The following ASXL3 variants were observed in gnomAD, a reference collection of about 807,000 sequenced individuals.
ASXL3 encodes putative Polycomb group protein ASXL3.
A neutral mutation model predicts 170.6 loss-of-function variants in ASXL3; 34 were observed. The observed-to-expected ratio is 0.20, with a 90% confidence interval of 0.15 to 0.27. The LOEUF is 0.27. ASXL3 is among the 10% of genes least tolerant of loss of function. The pLI is 1.00. For missense variants in ASXL3, 2,592 were observed against 2,695.3 expected, an observed-to-expected ratio of 0.96 and a Z score of 0.85; for synonymous variants, 1,002 against 989.1, an observed-to-expected ratio of 1.01 and a Z score of -0.24.
rs925023203 is a variant in ASXL3, at chr18:33,607,768, G to C, written c.137+92G>C. 3.2e-6 allele frequency: 3 copies of C among 941,628 alleles called. No homozygotes were observed. The African/African-American group carries it at 5.1e-5, about 16-fold the overall frequency. The allele number at this position is 941,628 out of a possible 1,614,324, so 58.3% of individuals were successfully genotyped here. Reference sequence around the variant, plus strand: ...ATAGGTGTATCTAGATTTTGATATTGTAGTTGATTGTGAATTAACTCCCCA... The same window carrying C: ...ATAGGTGTATCTAGATTTTGATATTCTAGTTGATTGTGAATTAACTCCCCA... On this transcript the variant is annotated intron_variant, in intron 2 of 11. Coordinates refer to ENST00000269197, the MANE Select transcript of ASXL3 (RefSeq NM_030632.3).
chr18:33,697,384 T>C (rs2066789264), intron 8 of ASXL3, among the ~76,000 whole-genome samples: 1 of 152,024 alleles, frequency 6.6e-6, no homozygotes, highest in African/African-American at 2.4e-5. Flanking sequence ...ACATTAGAAG[T>C]AGTGAACATG....
Position 33,739,567 on chromosome 18 carries a change from C to G in ASXL3, c.2163C>G (p.Asp721Glu), listed in dbSNP as rs1309549971. The change falls in exon 11 of 12, where the codon GAC becomes GAG. Residue 721 changes from aspartate to glutamate, a missense_variant. Physicochemically the swap from Asp to Glu is conservative, Grantham distance 45. Transcript: ENST00000269197. ...CATCAGAAACCTCACCGATGTCTGACTTACCTTTAACATCAGAAACTTCTT... is the reference window on the plus strand; with the variant it reads ...CATCAGAAACCTCACCGATGTCTGAGTTACCTTTAACATCAGAAACTTCTT... ...PLTSETSPMS[D>E]LPLTSETSSV... is the part of the protein sequence containing the mutation. 6.2e-7 allele frequency: 1 copy of G among 1,614,000 alleles called. No homozygotes were observed. Among genetic ancestry groups the G allele is most frequent in the South Asian group, 1.1e-5 (1 of 91,084 alleles).
intron 2 of ASXL3, among the ~76,000 whole-genome samples, chr18:33,621,174 A>G (rs931996965): frequency 6.6e-6 from 1 of 152,196 alleles, no homozygotes; most frequent in African/African-American, 2.4e-5. Flanking sequence ...TGTTTCACAA[A>G]TCAATAAACT....
intron 2 of ASXL3, among the ~76,000 whole-genome samples, chr18:33,625,584 A>T (rs190794186): frequency 1.3e-5 from 2 of 152,296 alleles, no homozygotes; most frequent in East Asian, 3.9e-4. Context: ...AAGTTAGTGA[A>T]GATGTCCAGA....
intron 2 of ASXL3, among the ~76,000 whole-genome samples, chr18:33,630,500 A>G (rs956503986): frequency 6.6e-6 from 1 of 151,996 alleles, no homozygotes; most frequent in Non-Finnish European, 1.5e-5. Context: ...GTGGATAAAG[A>G]AGGAGGAGGA....
intron 8 of ASXL3, among the ~76,000 whole-genome samples, chr18:33,708,156 T>C (rs1165367301): frequency 6.6e-6 from 1 of 152,156 alleles, no homozygotes; most frequent in Non-Finnish European, 1.5e-5. Context: ...TAGTAAATAT[T>C]CTATCTGATG....
At position 33,726,416 on chromosome 18, in the gene ASXL3, C is replaced by G. The variant is rs187578344; in HGVS notation, c.880-5552C>G. Among the ~76,000 whole-genome samples, 305 of 152,250 alleles carry G rather than the reference C, an allele frequency of 2.0e-3. 1 individual carries two copies. The highest frequency in any genetic ancestry group is 3.5e-3 in the Non-Finnish European group (235 of 68,020). On this transcript the variant is annotated intron_variant, in intron 8 of 11. Coordinates refer to ENST00000269197, the MANE Select transcript of ASXL3 (RefSeq NM_030632.3). ...GCTATGCTGTCTAGTACAATAGCCA[C>G]TAGCCACTTGAGGCTTTTGAGAACT... is the stretch of plus-strand genomic sequence containing the variant.
At chr18:33,647,735 G>A (rs2145204949) in intron 4 of ASXL3, among the ~76,000 whole-genome samples, 1 of 152,094 alleles carries the variant, frequency 6.6e-6, no homozygotes, top group East Asian at 1.9e-4. Context: ...TTACAGCAGT[G>A]AAAAACAAAA....
rs763724718 is a variant in ASXL3 at position 33,646,221 on chromosome 18, TC to T, written c.247-23del. On this transcript the variant is annotated intron_variant, in intron 3 of 11. Transcript: ENST00000269197. Reference sequence around the variant, plus strand: ...GTTGCTAATACATCTTCTCCATAAATCATCACTTTTCAAAATAATACAGAAA... The same window carrying T: ...GTTGCTAATACATCTTCTCCATAAATATCACTTTTCAAAATAATACAGAAA... 51 of 1,585,394 alleles carry T rather than the reference TC, an allele frequency of 3.2e-5. No homozygotes were observed. The African/African-American group carries it at 6.3e-4, about 20-fold the overall frequency.
chr18:33,731,068 G>A (rs753456423), intron 8 of ASXL3, among the ~76,000 whole-genome samples: 1 of 151,992 alleles, frequency 6.6e-6, no homozygotes, highest in East Asian at 1.9e-4. Flanking sequence ...TAATATACTT[G>A]TTCTTTATGT....
rs576857584 is a variant in ASXL3 at position 33,737,935 on chromosome 18, T to TA, written c.1083-546dup. 4.1e-3 allele frequency among the ~76,000 whole-genome samples: 622 copies of TA among 152,242 alleles called. 5 individuals are homozygous for TA. The highest frequency in any genetic ancestry group is 0.014 in the African/African-American group (601 of 41,564). ...AAGAGCATCTTTCTACTTGCAGATT[T>TA]AAAAAATATATATTTTATACGTTAT... On this transcript the variant is annotated intron_variant, in intron 10 of 11. Transcript: ENST00000269197.
At chr18:33,637,667 A>T (rs946290934) in intron 2 of ASXL3, among the ~76,000 whole-genome samples, 2 of 152,120 alleles carry the variant, frequency 1.3e-5, no homozygotes, top group Non-Finnish European at 2.9e-5. Flanking sequence ...CCTAATTGGA[A>T]ATAATTTTTT....
chr18:33,651,115 C>T (rs1016619699), intron 4 of ASXL3, among the ~76,000 whole-genome samples: 14 of 152,046 alleles, frequency 9.2e-5, no homozygotes, highest in African/African-American at 2.7e-4. Flanking sequence ...ATCATTGGTA[C>T]GGTTTGCCTT....
chr18:33,726,140 CTAAT>C (rs2067346332), intron 8 of ASXL3, among the ~76,000 whole-genome samples: 1 of 152,130 alleles, frequency 6.6e-6, no homozygotes, highest in Non-Finnish European at 1.5e-5. Flanking sequence ...CTTTTAAAAA[CTAAT>C]TAGCAGTTTT....
intron 7 of ASXL3, 67 bp downstream of exon 7, chr18:33,671,933 A>G (rs2066350536): frequency 7.2e-7 from 1 of 1,381,974 alleles, no homozygotes; most frequent in African/African-American, 1.5e-5. Context: ...TAAATTATCT[A>G]AAATTTTCAG....
chr18:33,684,103 G>A (rs565329123), intron 8 of ASXL3, among the ~76,000 whole-genome samples: 3 of 152,022 alleles, frequency 2.0e-5, no homozygotes, highest in Non-Finnish European at 2.9e-5. Flanking sequence ...TTTTTGAAAA[G>A]CTTCTAAAAT....
In ASXL3 at chr18:33,745,485, A is replaced by C; in HGVS notation, c.5637A>C (p.Leu1879=). Residue 1879 remains leucine (L), a synonymous_variant, in exon 12 of 12, where the codon CTA becomes CTC. Coordinates refer to ENST00000269197, the MANE Select transcript of ASXL3 (RefSeq NM_030632.3). ...GCCAGCCATTTAAGCAAGAATGGCT[A>C]AACAAGCACTCCATGCAGAACAGAA... ...GHSQPFKQEW[L]NKHSMQNRIV... is the part of the protein sequence containing the mutation. 1.9e-6 allele frequency: 3 copies of C among 1,614,030 alleles called. No individual in the cohort carries two copies. The highest frequency in any genetic ancestry group is 2.5e-6 in the Non-Finnish European group (3 of 1,179,896).
At chr18:33,584,668 A>T (rs7237585) in intron 1 of ASXL3, among the ~76,000 whole-genome samples, 27,730 of 152,090 alleles carry the variant, frequency 0.18, 4,727 homozygotes, top group African/African-American at 0.45. Context: ...TTTGTATAAG[A>T]CTTACATAGA....
chr18:33,657,234 A>G (rs1188344428), intron 4 of ASXL3, among the ~76,000 whole-genome samples: 1 of 152,122 alleles, frequency 6.6e-6, no homozygotes, highest in Non-Finnish European at 1.5e-5. Flanking sequence ...GTGCTGGGAA[A>G]GGATATTTGG....
Sources: gnomAD v4.1 joint callset for allele counts (sites outside exome capture counted in the v4.1 genomes callset) on GRCh38, gnomAD v4.1.1 for gene constraint, MANE v1.5 for transcripts, NCBI Gene and HGNC (gene_info 2026-07-23, HGNC 2026-07-21) for gene names.